The following TMEM183A variants were observed in gnomAD, a reference collection of about 807,000 sequenced individuals.
TMEM183A encodes the protein transmembrane protein 183A.
TMEM183A carries 21 observed loss-of-function variants against 46.7 expected under a neutral mutation model. The observed-to-expected ratio is 0.45, with a 90% confidence interval of 0.32 to 0.65. TMEM183A has a LOEUF of 0.65. Ranked by LOEUF, TMEM183A falls within the 30% of genes least tolerant of loss-of-function variation. TMEM183A has a pLI of 0.04. For missense variants in TMEM183A, 331 were observed against 481.9 expected (o/e 0.69, Z 2.93); for synonymous variants, 165 against 180.2 (o/e 0.92, Z 0.68).
intron 7 of TMEM183A, among the ~76,000 whole-genome samples, chr1:203,022,386 A>G (rs906834656): frequency 1.3e-5 from 2 of 152,256 alleles, no homozygotes; most frequent in Admixed American, 6.5e-5. Context: ...AAGGCCTTAT[A>G]AAATTCTCCT....
Position 203,023,101 on chromosome 1 carries a change from G to T in TMEM183A, c.*61G>T, listed in dbSNP as rs547083962. ...GTAGTCCATTAGTAATCAGATTCCA[G>T]TTTGGACAGGGTGGCTGGATTGTAT... On this transcript the variant is annotated 3_prime_UTR_variant, in exon 8 of 8. Transcript: ENST00000367242. The T allele has an allele frequency of 7.2e-6, 7 of 978,622 alleles. No homozygotes were observed. Among genetic ancestry groups the T allele is most frequent in the African/African-American group, 3.3e-5 (2 of 59,806 alleles). 60.6% of individuals were successfully genotyped at this position (978,622 alleles called of 1,614,324 possible).
rs1657895982 is a variant in TMEM183A at position 203,023,308 on chromosome 1, GTTCTTTA to G, written c.*275_*281del. 8.6e-6 allele frequency: 2 copies of G among 232,082 alleles called. No homozygotes were observed. The highest frequency in any genetic ancestry group is 5.2e-5 in the Admixed American group (1 of 19,192). The allele number at this position is 232,082 out of a possible 1,614,324, so 14.4% of individuals were successfully genotyped here. On this transcript the variant is annotated 3_prime_UTR_variant, in exon 8 of 8. Coordinates refer to ENST00000367242, the MANE Select transcript of TMEM183A (RefSeq NM_138391.6). ...AACCCCATTTGGTGCTATTGAGTTTGTTCTTTATTCTTTTATCCCAGTGAAAATTGTT... is the reference window on the plus strand; with the variant it reads ...AACCCCATTTGGTGCTATTGAGTTTGTTCTTTTATCCCAGTGAAAATTGTT...
intron 5 of TMEM183A, 117 bp downstream of exon 5, chr1:203,016,257 G>C: frequency 6.9e-7 from 1 of 1,451,382 alleles, no homozygotes; most frequent in East Asian, 2.3e-5. Context: ...GCTGCTAGGG[G>C]ACTAATGTAA....
At position 203,023,031 on chromosome 1, in the gene TMEM183A, G is replaced by C; in HGVS notation, c.1122G>C (p.Leu374=). 6.5e-7 allele frequency: 1 copy of C among 1,546,498 alleles called. No individual in the cohort carries two copies. Among genetic ancestry groups the C allele is most frequent in the Non-Finnish European group, 8.8e-7 (1 of 1,136,218 alleles). ...GGCATCCTCAGTACCCATTCTCCCTGAGAGCGTAGTTACTGCTTCCCATCC... is the reference window on the plus strand; with the variant it reads ...GGCATCCTCAGTACCCATTCTCCCTCAGAGCGTAGTTACTGCTTCCCATCC... The part of the protein sequence containing the change: ...DWWHPQYPFS[L]RA Residue 374 remains leucine, a synonymous_variant, in exon 8 of 8, where the codon CTG becomes CTC. Coordinates refer to ENST00000367242, the MANE Select transcript of TMEM183A (RefSeq NM_138391.6).
intron 2 of TMEM183A, among the ~76,000 whole-genome samples, 190 bp from the exon 3 acceptor site, chr1:203,008,453 C>CTTTTTTT (rs35395088): frequency 1.9e-5 from 2 of 106,112 alleles, no homozygotes; most frequent in African/African-American, 3.3e-5. Context: ...CATTGCTTTC[C>CTTTTTTT]TTTTTTTTTT....
chr1:203,007,633 T>C, intron 1 of TMEM183A, 59 bp downstream of exon 1: 1 of 1,531,904 alleles, frequency 6.5e-7, no homozygotes, highest in Non-Finnish European at 8.8e-7. Flanking sequence ...GGGAGGGGGC[T>C]GGACCGTGCC....
rs1258617332 is a variant in TMEM183A, at chr1:203,023,464, A to C, written c.*424A>C. The C allele has an allele frequency of 6.5e-6, 1 of 152,922 alleles. No homozygotes were observed. Among genetic ancestry groups the C allele is most frequent in the Non-Finnish European group, 1.5e-5 (1 of 68,358 alleles). The allele number at this position is 152,922 out of a possible 1,614,324, so 9.5% of individuals were successfully genotyped here. Reference sequence around the variant, plus strand: ...TTGCTTCCAGTTTAGCTGCCCCTCAAATTCAAGTGAATATTTTCCCTTCTC... The same window carrying C: ...TTGCTTCCAGTTTAGCTGCCCCTCACATTCAAGTGAATATTTTCCCTTCTC... On this transcript the variant is annotated 3_prime_UTR_variant, in exon 8 of 8. Coordinates refer to ENST00000367242, the MANE Select transcript of TMEM183A (RefSeq NM_138391.6).
At chr1:203,018,011 C>T in intron 5 of TMEM183A, 1 of 944,820 alleles carries the variant, frequency 1.1e-6, no homozygotes, top group Non-Finnish European at 1.3e-6. Flanking sequence ...CTGTAGTTTC[C>T]TTACTGGCTG....
At position 203,013,883 on chromosome 1, in the gene TMEM183A, G is replaced by T. The variant is rs144004121; in HGVS notation, c.368-1006G>T. Among the ~76,000 whole-genome samples, 571 of 151,358 alleles carry T rather than the reference G, an allele frequency of 3.8e-3. 3 individuals carry two copies. Among genetic ancestry groups the T allele is most frequent in the African/African-American group, 0.013 (545 of 41,110 alleles). ...CGATTCTCCTGCCTCAGCCTCCCACGTAGCTGGATTACAGGCACGTGCCAC... is the reference window on the plus strand; with the variant it reads ...CGATTCTCCTGCCTCAGCCTCCCACTTAGCTGGATTACAGGCACGTGCCAC... On this transcript the variant is annotated intron_variant, in intron 3 of 7. Coordinates refer to ENST00000367242, the MANE Select transcript of TMEM183A (RefSeq NM_138391.6). The surrounding 1 kb of genome is among the most constrained non-coding windows in gnomAD (Gnocchi z 4.0).
rs1656105859 is a variant in TMEM183A, at chr1:203,007,779, G to A, written c.115G>A (p.Val39Met). The change falls in exon 2 of 8, where the codon GTG (valine) becomes ATG (methionine). Residue 39 changes from valine (V) to methionine (M), a missense_variant. Transcript: ENST00000367242. ...GGGTTGGTGCTGTGTTGCAGTGACC[G>A]TGGCGGATTACGCCAACTCGGATCC... ...AHDACSGRVT[V>M]ADYANSDPAV... 3 of 1,613,898 alleles carry A rather than the reference G, an allele frequency of 1.9e-6. No individual in the cohort carries two copies. Among genetic ancestry groups the A allele is most frequent in the African/African-American group, 1.3e-5 (1 of 74,934 alleles).
At chr1:203,022,757 T>C in intron 7 of TMEM183A, 98 bp from the exon 8 acceptor site, 1 of 1,486,480 alleles carries the variant, frequency 6.7e-7, no homozygotes, top group South Asian at 1.2e-5. Flanking sequence ...TCTTGTGGCC[T>C]AGCCAGTATA....
At position 203,008,708 on chromosome 1, in the gene TMEM183A, G is replaced by A. The variant is rs755055813; in HGVS notation, c.265G>A (p.Glu89Lys). ...AGAGGAAGCTCTTTCTGGGGCTGGTGAGCCCTGTGACATCATCGACAGCAG... is the reference window on the plus strand; with the variant it reads ...AGAGGAAGCTCTTTCTGGGGCTGGTAAGCCCTGTGACATCATCGACAGCAG... ...PAEEALSGAG[E>K]PCDIIDSSDE... Residue 89 changes from glutamate to lysine, a missense_variant, in exon 3 of 8, where the codon GAG becomes AAG. By Grantham distance (56) the Glu-to-Lys change is moderately conservative (BLOSUM62 1). This residue lies in a region of TMEM183A where 233 missense variants were observed against 385.8 expected (regional missense o/e 0.60). Coordinates refer to ENST00000367242, the MANE Select transcript of TMEM183A (RefSeq NM_138391.6). 6.2e-7 allele frequency: 1 copy of A among 1,607,858 alleles called. No homozygotes were observed. Among genetic ancestry groups the A allele is most frequent in the Non-Finnish European group, 8.5e-7 (1 of 1,177,068 alleles).
chr1:203,009,809 CTGA>C (rs1179323336), intron 3 of TMEM183A, among the ~76,000 whole-genome samples: 1 of 152,092 alleles, frequency 6.6e-6, no homozygotes, highest in Admixed American at 6.6e-5. Flanking sequence ...TAAAGTGGTT[CTGA>C]TGATCAGCTA....
At chr1:203,012,199 C>T (rs1452022124) in intron 3 of TMEM183A, among the ~76,000 whole-genome samples, 45 of 98,568 alleles carry the variant, frequency 4.6e-4, no homozygotes, top group African/African-American at 1.4e-3. Flanking sequence ...TATTTTGAAA[C>T]GGCCATTTTT....
Position 203,008,710 on chromosome 1 carries a change from G to A in TMEM183A, c.267G>A (p.Glu89=), listed in dbSNP as rs934611544. ...PAEEALSGAG[E]PCDIIDSSDE... ...AGGAAGCTCTTTCTGGGGCTGGTGAGCCCTGTGACATCATCGACAGCAGTG... is the reference window on the plus strand; with the variant it reads ...AGGAAGCTCTTTCTGGGGCTGGTGAACCCTGTGACATCATCGACAGCAGTG... Residue 89 remains glutamate (E), a synonymous_variant, in exon 3 of 8, where the codon GAG becomes GAA. Transcript: ENST00000367242. The A allele has an allele frequency of 2.5e-6, 4 of 1,609,350 alleles. No individual in the cohort carries two copies. Among genetic ancestry groups the A allele is most frequent in the Non-Finnish European group, 3.4e-6 (4 of 1,177,800 alleles).
At chr1:203,009,710 C>T (rs1287731752) in intron 3 of TMEM183A, among the ~76,000 whole-genome samples, 3 of 152,116 alleles carry the variant, frequency 2.0e-5, no homozygotes, top group Admixed American at 2.0e-4. Context: ...ATTTGAGCTC[C>T]TGGGCTCAAG....
rs1046144216 is a variant in TMEM183A at position 203,007,677 on chromosome 1, CG to C, written c.110-95del. 85 of 1,550,158 alleles carry C rather than the reference CG, an allele frequency of 5.5e-5. No homozygotes were observed. In the African/African-American group the frequency reaches 1.0e-3, roughly 19 times the overall value. Reference sequence around the variant, plus strand: ...CGCTCGCGTGCCCGCGGCTGGAGGGCGGCTCGGTCCGGGGGCCTGCAGCGAG... The same window carrying C: ...CGCTCGCGTGCCCGCGGCTGGAGGGCGCTCGGTCCGGGGGCCTGCAGCGAG... On this transcript the variant is annotated intron_variant, in intron 1 of 7. Transcript: ENST00000367242.
intron 3 of TMEM183A, among the ~76,000 whole-genome samples, chr1:203,009,141 T>C (rs2102531861): frequency 6.6e-6 from 1 of 152,346 alleles, no homozygotes; most frequent in East Asian, 1.9e-4. Flanking sequence ...GGCCTTTGCA[T>C]TTCTGGATTT....
At position 203,018,622 on chromosome 1, in the gene TMEM183A, T is replaced by C. The variant is rs372618187; in HGVS notation, c.789+61T>C. The C allele has an allele frequency of 1.6e-5, 25 of 1,549,262 alleles. No individual in the cohort carries two copies. The Admixed American group carries it at 2.9e-4, about 18-fold the overall frequency. ...TTGTTCTAAGAGATTTCCCTAGATA[T>C]CTTTCTTAGTCTGTTTGTGTTGCTA... On this transcript the variant is annotated intron_variant, in intron 6 of 7. Transcript: ENST00000367242.
Sources: gnomAD v4.1 joint callset for allele counts (sites outside exome capture counted in the v4.1 genomes callset) on GRCh38, gnomAD v4.1.1 for gene constraint, gnomAD v4.1.1 regional missense constraint, Gnocchi (gnomAD v3.1) non-coding constraint, MANE v1.5 for transcripts, NCBI Gene and HGNC (gene_info 2026-07-23, HGNC 2026-07-21) for gene names.